MAP4K4: variants seen among roughly 807,000 people sequenced by gnomAD.
The protein encoded by MAP4K4 is mitogen-activated protein kinase kinase kinase kinase 4.
Under a neutral mutation model 189.6 loss-of-function variants are expected in MAP4K4, and 38 were observed. The observed-to-expected ratio is 0.20, with a 90% CI of 0.15 to 0.26. The LOEUF (loss-of-function observed/expected upper bound fraction) is 0.26. MAP4K4 is among the 10% of genes least tolerant of loss of function. MAP4K4 has a pLI of 1.00. For missense variants in MAP4K4, 1,054 were observed against 1,726.9 expected (o/e 0.61, Z 6.91); for synonymous variants, 610 against 624.3 (o/e 0.98, Z 0.34).
In MAP4K4 at chr2:101,864,985, T is replaced by G. The variant is rs1231535758; in HGVS notation, c.2153T>G (p.Leu718Arg). ...GTTCTGTCCCGTCGAGATTCCCCAC[T>G]GCAGGGCAGTGGGCAGCAGAATAGC... The change falls in exon 18 of 33, where the codon CTG becomes CGG. Residue 718 changes from leucine (L) to arginine (R), a missense_variant. Leu to Arg is a moderately radical substitution (Grantham distance 102). Coordinates refer to ENST00000324219, the Ensembl canonical transcript of MAP4K4. The G allele has an allele frequency of 1.3e-6, 2 of 1,578,860 alleles. No homozygotes were observed. The highest frequency in any genetic ancestry group is 2.7e-5 in the African/African-American group (2 of 73,904).
At chr2:101,797,889 G>GTGTTTT (rs1553478618) in intron 3 of MAP4K4, among the ~76,000 whole-genome samples, 1,080 of 52,324 alleles carry the variant, frequency 0.021, 252 homozygotes, top group Non-Finnish European at 0.027. Flanking sequence ...CATTCTTTTA[G>GTGTTTT]TTTTTTTTTT....
At chr2:101,703,607 G>A (rs1161680179) in intron 2 of MAP4K4, among the ~76,000 whole-genome samples, 1 of 103,188 alleles carries the variant, frequency 9.7e-6, no homozygotes, top group Admixed American at 1.5e-4. Context: ...AACAGAATGA[G>A]ACTCTGTCTC....
Position 101,740,068 on chromosome 2 carries a change from G to A in MAP4K4, c.123+41530G>A, listed in dbSNP as rs553045386. Among the ~76,000 whole-genome samples, 24 of 151,814 alleles carry A rather than the reference G, an allele frequency of 1.6e-4. No individual in the cohort carries two copies. In the South Asian group the frequency reaches 4.8e-3, roughly 30 times the overall value. On this transcript the variant is annotated intron_variant, in intron 2 of 32. Coordinates refer to ENST00000324219, the Ensembl canonical transcript of MAP4K4. ...TAGGCCCCAGGGATGCAGATGTTGAGTATCCTGGGAGGATGGAAAGTACTA... is the reference window on the plus strand; with the variant it reads ...TAGGCCCCAGGGATGCAGATGTTGAATATCCTGGGAGGATGGAAAGTACTA...
At chr2:101,877,814 A>G (rs1212705423) in intron 27 of MAP4K4, among the ~76,000 whole-genome samples, 2 of 151,544 alleles carry the variant, frequency 1.3e-5, no homozygotes, top group Non-Finnish European at 2.9e-5. Context: ...CAATGGCACA[A>G]TCTCCGCTCA....
intron 12 of MAP4K4, among the ~76,000 whole-genome samples, chr2:101,846,381 C>T (rs775947260): frequency 3.3e-5 from 5 of 152,126 alleles, no homozygotes; most frequent in Non-Finnish European, 1.5e-5. Flanking sequence ...CCGGCCTGTA[C>T]TTTCCTTAAG....
chr2:101,885,480 A>G (rs575748932), intron 29 of MAP4K4, among the ~76,000 whole-genome samples, 193 bp downstream of exon 29: 1 of 152,338 alleles, frequency 6.6e-6, no homozygotes, highest in East Asian at 1.9e-4. Context: ...GCCCACAGTG[A>G]GAAGGAGAGA....
exon 22 of MAP4K4, chr2:101,869,677 A>G: frequency 6.2e-7 from 1 of 1,608,780 alleles, no homozygotes; most frequent in Non-Finnish European, 8.5e-7. Flanking sequence ...CGGCCACCTC[A>G]CAAAGTAACG....
In MAP4K4 at chr2:101,707,370, G is replaced by A. The variant is rs115224353; in HGVS notation, c.123+8832G>A. 8.1e-3 allele frequency among the ~76,000 whole-genome samples: 1,233 copies of A among 151,760 alleles called. 21 individuals are homozygous for A. The highest frequency in any genetic ancestry group is 0.028 in the African/African-American group (1,175 of 41,358). ...ACTGCAGGTGCGGACCACCATGCTC[G>A]GCTAATATTTGTACGTTTAGTAGAA... On this transcript the variant is annotated intron_variant, in intron 2 of 32. Coordinates refer to ENST00000324219, the Ensembl canonical transcript of MAP4K4.
At chr2:101,697,931 C>T (rs2035182803) in exon 1 of MAP4K4, 1 of 221,898 alleles carries the variant, frequency 4.5e-6, no homozygotes, top group Non-Finnish European at 8.3e-6. Context: ...CAGCCGAGCC[C>T]GCCGCCGCCG....
chr2:101,759,229 C>G (rs979062403), intron 2 of MAP4K4, among the ~76,000 whole-genome samples: 1 of 151,534 alleles, frequency 6.6e-6, no homozygotes, highest in African/African-American at 2.4e-5. Flanking sequence ...TTAGGCTTTT[C>G]TCTCTGTGAA....
At chr2:101,856,052 C>T (rs767937569) in exon 13 of MAP4K4, 25 of 1,551,406 alleles carry the variant, frequency 1.6e-5, no homozygotes, top group Non-Finnish European at 1.9e-5. Flanking sequence ...AGAAAAGAGG[C>T]GTCTAGAGGA....
intron 2 of MAP4K4, among the ~76,000 whole-genome samples, chr2:101,737,443 A>ATATG (rs1289316459): frequency 2.9e-5 from 1 of 34,382 alleles, no homozygotes; most frequent in South Asian, 1.4e-3. Flanking sequence ...ATATATATAT[A>ATATG]TATATATATA....
At chr2:101,874,376 C>T (rs2098137798) in intron 26 of MAP4K4, 124 bp downstream of exon 26, 1 of 809,454 alleles carries the variant, frequency 1.2e-6, no homozygotes, top group Non-Finnish European at 1.9e-6. Flanking sequence ...TGATGTCCAT[C>T]TCCTGTTATA....
At chr2:101,875,546 G>A (rs758111670) in intron 26 of MAP4K4, among the ~76,000 whole-genome samples, 18 of 152,136 alleles carry the variant, frequency 1.2e-4, no homozygotes, top group Non-Finnish European at 2.6e-4. Flanking sequence ...ATTTATTTCA[G>A]ATTATCTGGA....
chr2:101,808,892 A>C (rs2095225236), intron 3 of MAP4K4, among the ~76,000 whole-genome samples: 1 of 152,086 alleles, frequency 6.6e-6, no homozygotes, highest in African/African-American at 2.4e-5. Context: ...AAAACTGGAA[A>C]GTGGAAAAAT....
chr2:101,872,974 C>T (rs1423052079), intron 24 of MAP4K4, among the ~76,000 whole-genome samples: 2 of 152,164 alleles, frequency 1.3e-5, no homozygotes, highest in African/African-American at 4.8e-5. Flanking sequence ...TTTTAATTGT[C>T]ATTACATTTC....
intron 12 of MAP4K4, among the ~76,000 whole-genome samples, chr2:101,846,791 A>G (rs2097124254): frequency 6.6e-6 from 1 of 152,228 alleles, no homozygotes; most frequent in African/African-American, 2.4e-5. Context: ...GAAAAGTCAC[A>G]TGAGTAGAAT....
rs371604858 is a variant in MAP4K4, at chr2:101,762,962, G to GT, written c.124-27757dup. On this transcript the variant is annotated intron_variant, in intron 2 of 32. Transcript: ENST00000324219. ...TTGAGTGGCCGCCATTTGTGGAAAT[G>GT]TGACAACATGTCATCAACTGATAGG... 1.3e-3 allele frequency among the ~76,000 whole-genome samples: 199 copies of GT among 152,292 alleles called. 1 individual carries two copies. Among genetic ancestry groups the GT allele is most frequent in the African/African-American group, 4.5e-3 (186 of 41,556 alleles).
chr2:101,892,947 G>A (rs566321061), exon 33 of MAP4K4: 92 of 456,384 alleles, frequency 2.0e-4, no homozygotes, highest in East Asian at 1.5e-3. Flanking sequence ...CATTATGGCT[G>A]CTTTAACCTC....
Sources: allele counts gnomAD v4.1 joint callset (sites outside exome capture counted in the v4.1 genomes callset), GRCh38; gene constraint gnomAD v4.1.1; transcripts MANE v1.5; gene names NCBI Gene and HGNC (gene_info 2026-07-23, HGNC 2026-07-21).